The following NKX2-4 variants were observed in gnomAD, a reference collection of about 807,000 sequenced individuals.
NKX2-4 encodes homeobox protein Nkx-2.4.
In NKX2-4, 6 loss-of-function variants were observed where a neutral mutation model predicts 8.6. The observed-to-expected ratio is 0.70, with a 90% CI of 0.38 to 1.38. NKX2-4 has a LOEUF of 1.38. NKX2-4 is among the 40% of genes most tolerant of loss of function. The pLI is 0.02. For missense variants in NKX2-4, 601 were observed against 548.4 expected (o/e 1.10, Z -0.96); for synonymous variants, 299 against 272.6 (o/e 1.10, Z -0.95).
Position 21,396,992 on chromosome 20 carries a change from C to G in NKX2-4, c.408G>C (p.Trp136Cys), listed in dbSNP as rs1240002844. 1.1e-5 allele frequency: 16 copies of G among 1,479,278 alleles called. No individual in the cohort carries two copies. The highest frequency in any genetic ancestry group is 1.3e-5 in the Non-Finnish European group (14 of 1,119,250). 91.6% of individuals were successfully genotyped at this position (1,479,278 alleles called of 1,614,324 possible). ...DGMRGGAATGWYGANPDPRYS... is the reference protein window; with the variant it reads ...DGMRGGAATGCYGANPDPRYS... Reference sequence around the variant, plus strand: ...AGCGTGGGTCCGGGTTGGCGCCGTACCAGCCGGTGGCCGCGCCGCCCCGCA... The same window carrying G: ...AGCGTGGGTCCGGGTTGGCGCCGTAGCAGCCGGTGGCCGCGCCGCCCCGCA... Residue 136 changes from tryptophan to cysteine, a missense_variant, in exon 1 of 2, where the codon TGG (tryptophan) becomes TGC (cysteine). Physicochemically the swap from Trp to Cys is radical, Grantham distance 215 (BLOSUM62 -2). Transcript: ENST00000351817.
At position 21,396,673 on chromosome 20, in the gene NKX2-4, C is replaced by T. The variant is rs2039025175; in HGVS notation, c.443-140G>A. 8.3e-6 allele frequency: 6 copies of T among 727,126 alleles called. No individual in the cohort carries two copies. The Admixed American group carries it at 2.2e-4, about 26-fold the overall frequency. The allele number at this position is 727,126 out of a possible 1,614,324, so 45.0% of individuals were successfully genotyped here. A position where few individuals can be genotyped will look rare whatever the true frequency, so the allele number is the denominator to read the frequency against. On this transcript the variant is annotated intron_variant, in intron 1 of 1. Transcript: ENST00000351817. ...CAAGACCCCCTGACCGCCGCGGCCTCCGGCCCCAGCACGCCCCGCGCGCCC... is the reference window on the plus strand; with the variant it reads ...CAAGACCCCCTGACCGCCGCGGCCTTCGGCCCCAGCACGCCCCGCGCGCCC...
At chr20:21,396,881 C>G in intron 1 of NKX2-4, 77 bp downstream of exon 1, 1 of 1,218,758 alleles carries the variant, frequency 8.2e-7, no homozygotes. Context: ...CGCACCCCGT[C>G]CCGCGCCCCC....
intron 1 of NKX2-4, 32 bp downstream of exon 1, chr20:21,396,926 G>T: frequency 7.4e-7 from 1 of 1,354,422 alleles, no homozygotes; most frequent in Non-Finnish European, 9.5e-7. Context: ...CGCCTGAGCC[G>T]CCCGCAGCCC....
chr20:21,396,878 C>T, intron 1 of NKX2-4, 80 bp downstream of exon 1: 1 of 1,203,710 alleles, frequency 8.3e-7, no homozygotes, highest in Non-Finnish European at 1.1e-6. Flanking sequence ...GCGCGCACCC[C>T]GTCCCGCGCC....
In NKX2-4 at chr20:21,395,943, C is replaced by T. The variant is rs1478953432; in HGVS notation, c.1033G>A (p.Gly345Ser). ...AAGEYSGGVL[G>S]ANLLYGRTW ...GTCCTGCCATAGAGCAGGTTGGCGC[C>T]CAGGACGCCGCCGCTGTACTCCCCG... Residue 345 changes from glycine to serine, a missense_variant, in exon 2 of 2, where the codon GGC (glycine) becomes AGC (serine). Transcript: ENST00000351817. 9.0e-6 allele frequency: 12 copies of T among 1,337,660 alleles called. No homozygotes were observed. In the South Asian group the frequency reaches 2.2e-4, roughly 24 times the overall value. 82.9% of individuals were successfully genotyped at this position (1,337,660 alleles called of 1,614,324 possible).
In NKX2-4 at chr20:21,395,771, T is replaced by A. The variant is rs2039010312; in HGVS notation, c.*140A>T. The A allele has an allele frequency of 1.5e-6, 1 of 679,776 alleles. No individual in the cohort carries two copies. Among genetic ancestry groups the A allele is most frequent in the Admixed American group, 3.5e-5 (1 of 28,366 alleles). The allele number at this position is 679,776 out of a possible 1,614,324, so 42.1% of individuals were successfully genotyped here. ...CGCCCCCAGCAAGAGGTTCACAGCC[T>A]GCTCCTCTCTGAGACCGGTTCGTTT... On this transcript the variant is annotated 3_prime_UTR_variant, in exon 2 of 2. Transcript: ENST00000351817.
rs1259568689 is a variant in NKX2-4, at chr20:21,397,211, C to T, written c.189G>A (p.Ala63=). The T allele has an allele frequency of 8.0e-7, 1 of 1,242,776 alleles. No homozygotes were observed. The highest frequency in any genetic ancestry group is 1.0e-6 in the Non-Finnish European group (1 of 998,594). The allele number at this position is 1,242,776 out of a possible 1,614,324, so 77.0% of individuals were successfully genotyped here. A position where few individuals can be genotyped will look rare whatever the true frequency, so the allele number is the denominator to read the frequency against. ...CCATGGCGTGAGAAGGCTGCATGCC[C>T]GCCACGGTCGCCGCCTGCGAGGAGG... ...PGPSSQAATV[A]GMQPSHAMAG... Residue 63 remains alanine, a synonymous_variant, in exon 1 of 2, where the codon GCG becomes GCA. Transcript: ENST00000351817.
chr20:21,396,022 G>A lies in NKX2-4; in HGVS notation c.954C>T (p.Ser318=). The change falls in exon 2 of 2, where the codon AGC becomes AGT. Residue 318 remains serine, a synonymous_variant. Coordinates refer to ENST00000351817, the MANE Select transcript of NKX2-4 (RefSeq NM_033176.2). ...CCCCCGGGCCGTGCAGCGCGGGTGG[G>A]CTGGGCGACAGCTCCTCCAGCTCAG... ...PAPELEELSP[S]PPALHGPGGG... The A allele has an allele frequency of 2.4e-6, 3 of 1,258,360 alleles. No individual in the cohort carries two copies. In the South Asian group the frequency reaches 1.0e-4, roughly 44 times the overall value. The allele number at this position is 1,258,360 out of a possible 1,614,324, so 77.9% of individuals were successfully genotyped here. A position where few individuals can be genotyped will look rare whatever the true frequency, so the allele number is the denominator to read the frequency against.
In NKX2-4 at chr20:21,397,364, G is replaced by A. The variant is rs1422648813; in HGVS notation, c.36C>T (p.Ser12=). 2.1e-6 allele frequency: 3 copies of A among 1,448,198 alleles called. No homozygotes were observed. The highest frequency in any genetic ancestry group is 1.5e-5 in the African/African-American group (1 of 68,332). 89.7% of individuals were successfully genotyped at this position (1,448,198 alleles called of 1,614,324 possible). A position where few individuals can be genotyped will look rare whatever the true frequency, so the allele number is the denominator to read the frequency against. ...SLSPKHTTPF[S]VSDILSPIEE... ...CGATGGGGCTCAGGATGTCGGACAC[G>A]GAGAAGGGCGTCGTGTGCTTTGGGC... Residue 12 remains serine, a synonymous_variant, in exon 1 of 2, where the codon TCC becomes TCT. Coordinates refer to ENST00000351817, the MANE Select transcript of NKX2-4 (RefSeq NM_033176.2).
At position 21,397,145 on chromosome 20, in the gene NKX2-4, A is replaced by C. The variant is rs1258159893; in HGVS notation, c.255T>G (p.Ala85=). ...NAAAAAAAAA[A]AAAAAATYHM... is the part of the protein sequence containing the mutation. The stretch of plus-strand genomic sequence containing the variant: ...GGTAGGTGGCGGCCGCCGCCGCCGC[A>C]GCTGCTGCCGCCGCCGCCGCGGCCG... Residue 85 remains alanine (A), a synonymous_variant, in exon 1 of 2, where the codon GCT becomes GCG. Coordinates refer to ENST00000351817, the MANE Select transcript of NKX2-4 (RefSeq NM_033176.2). 6 of 1,272,026 alleles carry C rather than the reference A, an allele frequency of 4.7e-6. No homozygotes were observed. The highest frequency in any genetic ancestry group is 5.9e-6 in the Non-Finnish European group (6 of 1,016,026). 78.8% of individuals were successfully genotyped at this position (1,272,026 alleles called of 1,614,324 possible).
Position 21,397,149 on chromosome 20 carries a change from G to A in NKX2-4, c.251C>T (p.Ala84Val). 7.9e-7 allele frequency: 1 copy of A among 1,270,932 alleles called. No homozygotes were observed. Among genetic ancestry groups the A allele is most frequent in the Non-Finnish European group, 9.8e-7 (1 of 1,015,268 alleles). 78.7% of individuals were successfully genotyped at this position (1,270,932 alleles called of 1,614,324 possible). A position where few individuals can be genotyped will look rare whatever the true frequency, so the allele number is the denominator to read the frequency against. The change falls in exon 1 of 2, where the codon GCA becomes GTA. Residue 84 changes from alanine to valine, a missense_variant. Coordinates refer to ENST00000351817, the MANE Select transcript of NKX2-4 (RefSeq NM_033176.2). The stretch of plus-strand genomic sequence containing the variant: ...GGTGGCGGCCGCCGCCGCCGCAGCT[G>A]CTGCCGCCGCCGCCGCGGCCGCCGC... ...HNAAAAAAAA[A>V]AAAAAAATYH...
Position 21,397,317 on chromosome 20 carries a change from CT to C in NKX2-4, c.82del (p.Ser28AlafsTer131). On this transcript the variant is annotated frameshift_variant, in exon 1 of 2. Coordinates refer to ENST00000351817, the MANE Select transcript of NKX2-4 (RefSeq NM_033176.2). LOFTEE classifies it high-confidence loss of function. ...SPIEETYKKF[S>X]GAMDGAPPGL... ...GGGTGGCGCGCCGTCCATGGCGCCG[CT>C]GAACTTCTTGTAGGTCTCCTCGATG... 7.2e-7 allele frequency: 1 copy of C among 1,391,490 alleles called. No individual in the cohort carries two copies. The highest frequency in any genetic ancestry group is 9.3e-7 in the Non-Finnish European group (1 of 1,072,274). The allele number at this position is 1,391,490 out of a possible 1,614,324, so 86.2% of individuals were successfully genotyped here.
chr20:21,396,839 G>C, intron 1 of NKX2-4, 119 bp downstream of exon 1: 9 of 906,784 alleles, frequency 9.9e-6, no homozygotes, highest in Non-Finnish European at 1.3e-5. Context: ...CGCCCCGCGC[G>C]CCCGCTCGGC....
In NKX2-4 at chr20:21,397,426, G is replaced by A; in HGVS notation, c.-27C>T. The stretch of plus-strand genomic sequence containing the variant: ...GCTCGGCGGGCAGCCAGGTAGGGGG[G>A]CCTGGGGCGCGCGCCGGCAGGACGC... On this transcript the variant is annotated 5_prime_UTR_variant, in exon 1 of 2. Coordinates refer to ENST00000351817, the MANE Select transcript of NKX2-4 (RefSeq NM_033176.2). 3 of 1,315,668 alleles carry A rather than the reference G, an allele frequency of 2.3e-6. No homozygotes were observed. The highest frequency in any genetic ancestry group is 3.1e-5 in the East Asian group (1 of 32,358). The allele number at this position is 1,315,668 out of a possible 1,614,324, so 81.5% of individuals were successfully genotyped here.
chr20:21,397,173 G>A lies in NKX2-4; in HGVS notation c.227C>T (p.Ala76Val). The A allele has an allele frequency of 7.9e-7, 1 of 1,263,330 alleles. No homozygotes were observed. The highest frequency in any genetic ancestry group is 9.9e-7 in the Non-Finnish European group (1 of 1,010,560). The allele number at this position is 1,263,330 out of a possible 1,614,324, so 78.3% of individuals were successfully genotyped here. A position where few individuals can be genotyped will look rare whatever the true frequency, so the allele number is the denominator to read the frequency against. Residue 76 changes from alanine to valine, a missense_variant, in exon 1 of 2, where the codon GCG (alanine) becomes GTG (valine). By Grantham distance (64) the Ala-to-Val change is moderately conservative. Transcript: ENST00000351817. ...TGCTGCCGCCGCCGCCGCGGCCGCCGCGTTGTGACCCGCCATGGCGTGAGA... is the reference window on the plus strand; with the variant it reads ...TGCTGCCGCCGCCGCCGCGGCCGCCACGTTGTGACCCGCCATGGCGTGAGA... ...QPSHAMAGHNAAAAAAAAAAA... is the reference protein window; with the variant it reads ...QPSHAMAGHNVAAAAAAAAAA...
rs199964105 is a variant in NKX2-4 at position 21,396,256 on chromosome 20, G to A, written c.720C>T (p.His240=). ...TGGCCTGCCGTTTCATCTTGTACCG[G>A]TGGTTCTGGAACCAGATCTTGACCT... ...PTQVKIWFQN[H]RYKMKRQAKD... Residue 240 remains histidine (H), a synonymous_variant, in exon 2 of 2, where the codon CAC becomes CAT. Transcript: ENST00000351817. The A allele has an allele frequency of 1.2e-3, 1,886 of 1,606,110 alleles. 2 individuals are homozygous for A. The highest frequency in any genetic ancestry group is 1.5e-3 in the Non-Finnish European group (1,787 of 1,177,372).
In NKX2-4 at chr20:21,396,411, G is replaced by C. The variant is rs888617221; in HGVS notation, c.565C>G (p.Arg189Gly). The C allele has an allele frequency of 2.6e-6, 4 of 1,539,660 alleles. No individual in the cohort carries two copies. The highest frequency in any genetic ancestry group is 4.1e-5 in the Admixed American group (2 of 49,042). Residue 189 changes from arginine (R) to glycine (G), a missense_variant, in exon 2 of 2, where the codon CGA becomes GGA. Arg to Gly is a moderately radical substitution (Grantham distance 125). Coordinates refer to ENST00000351817, the MANE Select transcript of NKX2-4 (RefSeq NM_033176.2). Reference sequence around the variant, plus strand: ...GAGAAGAGCACGCGGCGCTTCCTTCGCGGAGCGGCTGCCGCCGCCGCCGCG... The same window carrying C: ...GAGAAGAGCACGCGGCGCTTCCTTCCCGGAGCGGCTGCCGCCGCCGCCGCG... ...LHAAAAAAAP[R>G]RKRRVLFSQA...
Position 21,396,448 on chromosome 20 carries a change from C to A in NKX2-4, c.528G>T (p.Leu176=), listed in dbSNP as rs1438833569. ...LTGIADAAKS[L]GPLHAAAAAA... Reference sequence around the variant, plus strand: ...CCGCCGCCGCCGCGTGCAGCGGGCCCAGCGACTTGGCGGCGTCCGCGATGC... The same window carrying A: ...CCGCCGCCGCCGCGTGCAGCGGGCCAAGCGACTTGGCGGCGTCCGCGATGC... The change falls in exon 2 of 2, where the codon CTG becomes CTT. Residue 176 remains leucine, a synonymous_variant. Transcript: ENST00000351817. The A allele has an allele frequency of 1.3e-6, 2 of 1,504,810 alleles. No individual in the cohort carries two copies. The highest frequency in any genetic ancestry group is 1.8e-6 in the Non-Finnish European group (2 of 1,136,888). The allele number at this position is 1,504,810 out of a possible 1,614,324, so 93.2% of individuals were successfully genotyped here.
rs780203277 is a variant in NKX2-4, at chr20:21,397,427, C to T, written c.-28G>A. 1.5e-6 allele frequency: 2 copies of T among 1,314,386 alleles called. No homozygotes were observed. Among genetic ancestry groups the T allele is most frequent in the South Asian group, 2.3e-5 (1 of 43,208 alleles). The allele number at this position is 1,314,386 out of a possible 1,614,324, so 81.4% of individuals were successfully genotyped here. A position where few individuals can be genotyped will look rare whatever the true frequency, so the allele number is the denominator to read the frequency against. ...CTCGGCGGGCAGCCAGGTAGGGGGG[C>T]CTGGGGCGCGCGCCGGCAGGACGCG... On this transcript the variant is annotated 5_prime_UTR_variant, in exon 1 of 2. Coordinates refer to ENST00000351817, the MANE Select transcript of NKX2-4 (RefSeq NM_033176.2).
Sources: gnomAD v4.1 joint callset for allele counts on GRCh38, gnomAD v4.1.1 for gene constraint, MANE v1.5 for transcripts, NCBI Gene and HGNC (gene_info 2026-07-23, HGNC 2026-07-21) for gene names.